NFATC1: variants seen among roughly 807,000 people sequenced by gnomAD.
The protein encoded by NFATC1 is nuclear factor of activated T-cells, cytoplasmic 1.
Under a neutral mutation model 76.0 loss-of-function variants are expected in NFATC1, and 22 were observed. The ratio of observed to expected loss-of-function variants is 0.29; its 90% CI spans 0.21 to 0.41. The LOEUF is 0.41. Among genes scored for constraint, NFATC1 ranks in the 10% least tolerant of loss-of-function variants. The probability of loss-of-function intolerance (pLI) is 1.00; values close to 1 mark genes in which losing one functional copy is unlikely to be tolerated. For synonymous variants in NFATC1, 704 were observed against 613.1 expected (o/e 1.15, Z -2.19); for missense variants, 1,357 against 1,337.7 (o/e 1.01, Z -0.23).
intron 6 of NFATC1, among the ~76,000 whole-genome samples, chr18:79,456,265 C>T (rs1359289080): frequency 6.6e-6 from 1 of 152,202 alleles, no homozygotes; most frequent in African/African-American, 2.4e-5. Flanking sequence ...TTCACCGCGG[C>T]GAGTGTGGGG....
At chr18:79,504,210 C>T (rs766623510) in intron 9 of NFATC1, among the ~76,000 whole-genome samples, 1 of 152,240 alleles carries the variant, frequency 6.6e-6, no homozygotes, top group Non-Finnish European at 1.5e-5. Context: ...GGAGGCTGAG[C>T]TGTCAGCCTG....
intron 9 of NFATC1, among the ~76,000 whole-genome samples, chr18:79,490,433 G>A (rs150559217): frequency 1.3e-5 from 2 of 152,148 alleles, no homozygotes; most frequent in African/African-American, 2.4e-5. Flanking sequence ...TTAGGGCAGG[G>A]TGGTCCCTGG....
chr18:79,400,881 TCCCCCCAGCCA>T (rs2085211984), intron 1 of NFATC1, among the ~76,000 whole-genome samples: 2 of 794 alleles, frequency 2.5e-3, no homozygotes, highest in African/African-American at 0.01. Context: ...TCCTCCTCCC[TCCCCCCAGCCA>T]CCCTCCCCCT....
At chr18:79,473,810 A>G (rs1167418285) in intron 8 of NFATC1, among the ~76,000 whole-genome samples, 28 of 142,940 alleles carry the variant, frequency 2.0e-4, no homozygotes, top group South Asian at 4.5e-4. Context: ...TCTCACGCTC[A>G]CTGTTGACGT....
chr18:79,507,021 C>T (rs895027869), intron 9 of NFATC1, among the ~76,000 whole-genome samples: 1 of 152,196 alleles, frequency 6.6e-6, no homozygotes, highest in African/African-American at 2.4e-5. Flanking sequence ...ACCCAGCGGC[C>T]GGGCCAGCCC....
At chr18:79,454,761 C>T (rs947872510) in intron 6 of NFATC1, among the ~76,000 whole-genome samples, 4 of 152,128 alleles carry the variant, frequency 2.6e-5, no homozygotes, top group South Asian at 2.1e-4. Flanking sequence ...TGTGGGGAGC[C>T]GAGGGCCGGG....
chr18:79,498,107 T>G (rs2089936915), intron 9 of NFATC1: 1 of 151,370 alleles, frequency 6.6e-6, no homozygotes, highest in Admixed American at 6.6e-5. Flanking sequence ...TACAATGCAT[T>G]AGTTGTCATC....
intron 9 of NFATC1, among the ~76,000 whole-genome samples, chr18:79,517,950 AGT>A (rs2090424562): frequency 1.3e-5 from 2 of 152,256 alleles, no homozygotes; most frequent in Non-Finnish European, 1.5e-5. Context: ...AGGATTAAAC[AGT>A]GTATTTGGGT....
At position 79,423,719 on chromosome 18, in the gene NFATC1, AC is replaced by A. The variant is rs1259605275; in HGVS notation, c.1227-9857del. On this transcript the variant is annotated intron_variant, in intron 2 of 9. Transcript: ENST00000427363. ...TGGGTGTCCCCATCTTTCTGTTCCC[AC>A]CCTGGCCCCAGTCACCTGCTTCTCA... Among the ~76,000 whole-genome samples the A allele has an allele frequency of 2.6e-5, 4 of 151,920 alleles. No individual in the cohort carries two copies. In the East Asian group the frequency reaches 7.8e-4, roughly 30 times the overall value.
At chr18:79,522,195 TG>T (rs1223541660) in intron 9 of NFATC1, among the ~76,000 whole-genome samples, 18 of 25,596 alleles carry the variant, frequency 7.0e-4, no homozygotes, top group South Asian at 4.1e-3. Context: ...TTTGTGTGTG[TG>T]GGGGGGGGTG....
At chr18:79,510,958 G>A (rs551090279) in intron 9 of NFATC1, among the ~76,000 whole-genome samples, 6 of 152,344 alleles carry the variant, frequency 3.9e-5, no homozygotes, top group East Asian at 1.9e-4. Flanking sequence ...ATCGTTCGCC[G>A]GTCTTGTCGC....
chr18:79,400,548 C>T, intron 1 of NFATC1: 2 of 1,253,770 alleles, frequency 1.6e-6, no homozygotes, highest in South Asian at 2.3e-5. Flanking sequence ...CAGGCCCCCT[C>T]CGCGTCCTCG....
Position 79,453,176 on chromosome 18 carries a change from G to A in NFATC1, c.1903+1360G>A, listed in dbSNP as rs118145127. On this transcript the variant is annotated intron_variant, in intron 6 of 9. Transcript: ENST00000427363. The stretch of plus-strand genomic sequence containing the variant: ...TTTCGGTGTGTGTCCACGCGTTGGC[G>A]GAGAAACACTTCGCCCACAGTGTAG... Among the ~76,000 whole-genome samples the A allele has an allele frequency of 8.4e-3, 1,275 of 152,354 alleles. 12 individuals are homozygous for A. The highest frequency in any genetic ancestry group is 0.013 in the South Asian group (64 of 4,828).
intron 2 of NFATC1, chr18:79,421,226 T>G (rs568156269): frequency 6.6e-6 from 1 of 152,462 alleles, no homozygotes; most frequent in South Asian, 2.1e-4. Context: ...ACGGCAGTTC[T>G]GAGGCTTGTG....
intron 2 of NFATC1, chr18:79,421,596 C>T (rs1349561301): frequency 2.0e-5 from 3 of 152,362 alleles, no homozygotes; most frequent in Non-Finnish European, 2.9e-5. Context: ...TGTCAAGCCT[C>T]CAGGTTTCGG....
Position 79,524,892 on chromosome 18 carries a change from G to GGGAACAAGA in NFATC1, c.2783-2636_2783-2635insGGAACAAGA, listed in dbSNP as rs2090714975. Among the ~76,000 whole-genome samples, 1 of 151,994 alleles carries GGGAACAAGA rather than the reference G, an allele frequency of 6.6e-6. No individual in the cohort carries two copies. The highest frequency in any genetic ancestry group is 6.5e-5 in the Admixed American group (1 of 15,272). Reference sequence around the variant, plus strand: ...TCCTGTGCCCGCGGGGAACAAGACGGCTCTCGGCGGCCATGCAGGCGGCCT... The same window carrying GGGAACAAGA: ...TCCTGTGCCCGCGGGGAACAAGACGGGGAACAAGACTCTCGGCGGCCATGCAGGCGGCCT... On this transcript the variant is annotated intron_variant, in intron 9 of 9. Transcript: ENST00000427363. The surrounding 1 kb of genome is among the most constrained non-coding windows in gnomAD (Gnocchi z 7.2).
rs747846792 is a variant in NFATC1 at position 79,411,229 on chromosome 18, G to A, written c.954G>A (p.Ala318=). The A allele has an allele frequency of 4.8e-5, 77 of 1,604,532 alleles. No individual in the cohort carries two copies. Among genetic ancestry groups the A allele is most frequent in the East Asian group, 8.9e-5 (4 of 44,874 alleles). ...TSSAIVAAIN[A]LTTDSSLDLG... ...CGGCCATCGTGGCCGCCATCAACGC[G>A]CTGACCACCGACAGCAGCCTGGACC... Residue 318 remains alanine, a synonymous_variant, in exon 2 of 10, where the codon GCG becomes GCA. Transcript: ENST00000427363.
intron 2 of NFATC1, among the ~76,000 whole-genome samples, chr18:79,418,941 A>G (rs1364697668): frequency 1.3e-5 from 2 of 152,120 alleles, no homozygotes; most frequent in East Asian, 3.9e-4. Flanking sequence ...GTCCTTCTCA[A>G]TGTTACTCTG....
chr18:79,427,152 A>G (rs1413727757), intron 2 of NFATC1, among the ~76,000 whole-genome samples: 2 of 151,990 alleles, frequency 1.3e-5, no homozygotes, highest in East Asian at 3.9e-4. Context: ...CCCTTCGTGT[A>G]CCCACGTGTC....
Sources: gnomAD v4.1 joint callset for allele counts (sites outside exome capture counted in the v4.1 genomes callset) on GRCh38, gnomAD v4.1.1 for gene constraint, Gnocchi (gnomAD v3.1) non-coding constraint, MANE v1.5 for transcripts, NCBI Gene and HGNC (gene_info 2026-07-23, HGNC 2026-07-21) for gene names.